The following ALK variants were observed in gnomAD, a reference collection of about 807,000 sequenced individuals.
ALK encodes the protein ALK receptor tyrosine kinase.
In ALK, 74 loss-of-function variants were observed where a neutral mutation model predicts 163.1. The observed-to-expected ratio is 0.45, with a 90% CI of 0.38 to 0.55. The LOEUF is 0.55. Ranked by LOEUF, ALK falls within the 20% of genes least tolerant of loss-of-function variation. The pLI is 0.00. For missense variants in ALK, 2,063 were observed against 2,105.3 expected (o/e 0.98, Z 0.39); for synonymous variants, 960 against 843.2 (o/e 1.14, Z -2.40).
At chr2:29,800,134 G>T (rs1664431924) in intron 1 of ALK, among the ~76,000 whole-genome samples, 1 of 152,326 alleles carries the variant, frequency 6.6e-6, no homozygotes, top group East Asian at 1.9e-4. Flanking sequence ...GGGTGGAGAG[G>T]AATGTGAAAG....
intron 3 of ALK, among the ~76,000 whole-genome samples, chr2:29,680,384 C>G (rs1678027295): frequency 6.6e-6 from 1 of 152,000 alleles, no homozygotes; most frequent in African/African-American, 2.4e-5. Flanking sequence ...ATTTTTCTCT[C>G]TGTTCTTTAG....
At chr2:29,597,010 A>T (rs1675235113) in intron 3 of ALK, among the ~76,000 whole-genome samples, 1 of 152,216 alleles carries the variant, frequency 6.6e-6, no homozygotes, top group Non-Finnish European at 1.5e-5. Flanking sequence ...CTGGGTCTTT[A>T]GTTGGTGTGA....
At chr2:29,238,351 C>T (rs879328845) in intron 13 of ALK, among the ~76,000 whole-genome samples, 6 of 152,042 alleles carry the variant, frequency 3.9e-5, no homozygotes, top group Non-Finnish European at 7.4e-5. Flanking sequence ...TGTGCACCAC[C>T]GCACCTGGCT....
At chr2:29,775,545 AAAAAAC>A (rs1160485839) in intron 1 of ALK, among the ~76,000 whole-genome samples, 1 of 152,156 alleles carries the variant, frequency 6.6e-6, no homozygotes, top group Non-Finnish European at 1.5e-5. Context: ...TACAAAAAAA[AAAAAAC>A]AAAAACAAAA....
chr2:29,278,985 G>T (rs576517813), intron 9 of ALK, among the ~76,000 whole-genome samples: 2 of 152,122 alleles, frequency 1.3e-5, no homozygotes, highest in African/African-American at 4.8e-5. Flanking sequence ...TGCCTGGGGG[G>T]GGGGACAGAA....
At chr2:29,665,471 C>A (rs17008447) in intron 3 of ALK, among the ~76,000 whole-genome samples, 1 of 152,022 alleles carries the variant, frequency 6.6e-6, no homozygotes, top group Non-Finnish European at 1.5e-5. Context: ...ACTATCCTTA[C>A]GTCTTATGTA....
At chr2:29,790,719 G>A (rs1664166499) in intron 1 of ALK, among the ~76,000 whole-genome samples, 1 of 152,104 alleles carries the variant, frequency 6.6e-6, no homozygotes, top group South Asian at 2.1e-4. Flanking sequence ...AAGTAGCTGG[G>A]ATTACAGGTG....
intron 4 of ALK, among the ~76,000 whole-genome samples, chr2:29,396,450 C>T (rs80156627): frequency 9.2e-5 from 14 of 152,040 alleles, no homozygotes; most frequent in African/African-American, 2.7e-4. Context: ...CCGAGGTGGG[C>T]GGATCACGAG....
At chr2:29,308,267 T>A (rs1666587101) in intron 8 of ALK, among the ~76,000 whole-genome samples, 2 of 152,168 alleles carry the variant, frequency 1.3e-5, no homozygotes, top group Admixed American at 1.3e-4. Flanking sequence ...ATAGCAAAGC[T>A]CAAATCTAAA....
chr2:29,617,659 C>T (rs557921102), intron 3 of ALK, among the ~76,000 whole-genome samples: 50 of 152,328 alleles, frequency 3.3e-4, no homozygotes, highest in Middle Eastern at 6.8e-3. Flanking sequence ...CCCCCCTTCC[C>T]TTGACCCACT....
intron 3 of ALK, among the ~76,000 whole-genome samples, chr2:29,606,669 T>C (rs1675549976): frequency 6.6e-6 from 1 of 152,228 alleles, no homozygotes; most frequent in African/African-American, 2.4e-5. Context: ...TAAAGTTTTA[T>C]TGAAACAAAG....
chr2:29,405,421 G>A (rs1669559266), intron 4 of ALK, among the ~76,000 whole-genome samples: 1 of 152,152 alleles, frequency 6.6e-6, no homozygotes, highest in African/African-American at 2.4e-5. Flanking sequence ...TGCATGAAAG[G>A]AGGCAGAACA....
At chr2:29,719,455 G>T (rs1679363544) in intron 1 of ALK, among the ~76,000 whole-genome samples, 1 of 152,190 alleles carries the variant, frequency 6.6e-6, no homozygotes, top group South Asian at 2.1e-4. Flanking sequence ...AGGCAATGGG[G>T]CTCAGAGAAG....
intron 15 of ALK, among the ~76,000 whole-genome samples, chr2:29,231,231 G>T (rs996270751): frequency 6.6e-6 from 1 of 152,196 alleles, no homozygotes; most frequent in Non-Finnish European, 1.5e-5. Flanking sequence ...CCAGCTACTC[G>T]GGAGGCTGAG....
intron 4 of ALK, among the ~76,000 whole-genome samples, chr2:29,432,331 C>A (rs566874831): frequency 1.5e-4 from 23 of 152,164 alleles, no homozygotes; most frequent in Admixed American, 9.2e-4. Context: ...AAGAGCCTGG[C>A]ACCATCTTCC....
At chr2:29,488,303 A>ATT (rs1343634200) in intron 4 of ALK, among the ~76,000 whole-genome samples, 6 of 152,172 alleles carry the variant, frequency 3.9e-5, no homozygotes, top group Non-Finnish European at 7.3e-5. Flanking sequence ...CTTACTTCTT[A>ATT]TTACATAAGC....
intron 4 of ALK, among the ~76,000 whole-genome samples, chr2:29,397,938 T>C (rs1669349841): frequency 1.3e-5 from 2 of 152,214 alleles, no homozygotes; most frequent in South Asian, 4.1e-4. Flanking sequence ...ATATGGGAGC[T>C]TTCCCGAACA....
intron 4 of ALK, among the ~76,000 whole-genome samples, chr2:29,466,062 C>T (rs1045202247): frequency 2.0e-5 from 3 of 152,008 alleles, no homozygotes; most frequent in African/African-American, 7.2e-5. Flanking sequence ...CCTAGAACAC[C>T]CACCAAAATT....
At chr2:29,420,156 TAAAAAAAAAA>T (rs66468654) in intron 4 of ALK, among the ~76,000 whole-genome samples, 2 of 108,764 alleles carry the variant, frequency 1.8e-5, no homozygotes, top group African/African-American at 7.8e-5. Context: ...GACCCTGTCT[TAAAAAAAAAA>T]AAAAAAAAAA....
Sources: allele counts gnomAD v4.1 joint callset (sites outside exome capture counted in the v4.1 genomes callset), GRCh38; gene constraint gnomAD v4.1.1; transcripts MANE v1.5; gene names NCBI Gene and HGNC (gene_info 2026-07-23, HGNC 2026-07-21).